PSD3: variants seen among roughly 807,000 people sequenced by gnomAD.
The protein encoded by PSD3 is pleckstrin and Sec7 domain containing 3.
A neutral mutation model predicts 105.5 loss-of-function variants in PSD3; 49 were observed. That is an observed-to-expected ratio of 0.46 (90% confidence interval 0.37 to 0.59). The LOEUF (loss-of-function observed/expected upper bound fraction) is 0.59. Ranked by LOEUF, PSD3 falls within the 20% of genes least tolerant of loss-of-function variation. PSD3 has a pLI of 0.00. For synonymous variants in PSD3, 557 were observed against 457.8 expected (o/e 1.22, Z -2.77); for missense variants, 1,561 against 1,263.8 (o/e 1.24, Z -3.57).
chr8:19,038,229 T>C (rs1828009542), intron 1 of PSD3, among the ~76,000 whole-genome samples: 2 of 152,132 alleles, frequency 1.3e-5, no homozygotes, highest in African/African-American at 4.8e-5. Flanking sequence ...AGAATACATG[T>C]CTCTTTATCA....
chr8:18,837,078 C>A (rs1814174938), intron 4 of PSD3, among the ~76,000 whole-genome samples: 1 of 151,820 alleles, frequency 6.6e-6, no homozygotes, highest in Non-Finnish European at 1.5e-5. Flanking sequence ...TAGGAGCCTA[C>A]AAGGTAGGAG....
intron 2 of PSD3, among the ~76,000 whole-genome samples, chr8:18,895,642 T>A (rs537257109): frequency 5.3e-5 from 8 of 152,182 alleles, no homozygotes; most frequent in Non-Finnish European, 1.0e-4. Context: ...AAAAGAAACC[T>A]GTGTGTTGGG....
intron 4 of PSD3, among the ~76,000 whole-genome samples, chr8:18,828,405 G>C (rs987165385): frequency 9.2e-5 from 14 of 151,996 alleles, no homozygotes; most frequent in Non-Finnish European, 2.1e-4. Context: ...ATACGTTACA[G>C]CAACAACCAA....
At chr8:18,942,669 G>A (rs1458884482) in intron 1 of PSD3, among the ~76,000 whole-genome samples, 5 of 152,202 alleles carry the variant, frequency 3.3e-5, no homozygotes, top group African/African-American at 9.6e-5. Flanking sequence ...AAGACCATGT[G>A]AAGACACAGG....
chr8:18,991,359 C>CACAT (rs1203812270), intron 1 of PSD3, among the ~76,000 whole-genome samples: 10 of 79,132 alleles, frequency 1.3e-4, no homozygotes, highest in African/African-American at 4.1e-4. Flanking sequence ...CACATACACA[C>CACAT]ACACACACAC....
At chr8:18,616,420 A>T (rs1201650497) in intron 11 of PSD3, among the ~76,000 whole-genome samples, 3 of 152,132 alleles carry the variant, frequency 2.0e-5, no homozygotes, top group Admixed American at 6.5e-5. Flanking sequence ...ATCTGTATTG[A>T]TGGTGGCCAG....
chr8:18,758,389 G>C (rs1389902372), intron 9 of PSD3, among the ~76,000 whole-genome samples: 1 of 150,582 alleles, frequency 6.6e-6, no homozygotes, highest in African/African-American at 2.5e-5. Flanking sequence ...ATGGAACTCA[G>C]AAAGAGAGAT....
intron 11 of PSD3, among the ~76,000 whole-genome samples, chr8:18,601,069 T>C (rs983819798): frequency 2.6e-5 from 4 of 152,230 alleles, no homozygotes; most frequent in Non-Finnish European, 5.9e-5. Context: ...GTATCCTTCA[T>C]CTTTAGAATT....
intron 1 of PSD3, among the ~76,000 whole-genome samples, chr8:18,940,769 C>T (rs772110063): frequency 2.6e-5 from 4 of 152,178 alleles, no homozygotes; most frequent in Non-Finnish European, 5.9e-5. Flanking sequence ...AGCATGTGTG[C>T]CCCTTCCCTA....
chr8:19,042,600 A>C (rs1828161237), intron 1 of PSD3, among the ~76,000 whole-genome samples: 1 of 152,236 alleles, frequency 6.6e-6, no homozygotes, highest in Non-Finnish European at 1.5e-5. Flanking sequence ...TTCTAAATAA[A>C]ATCCTGGGAT....
intron 10 of PSD3, among the ~76,000 whole-genome samples, chr8:18,634,997 T>C (rs1240326474): frequency 6.6e-6 from 1 of 152,190 alleles, no homozygotes; most frequent in Non-Finnish European, 1.5e-5. Flanking sequence ...GGTTCCCTCA[T>C]TTATTCTACA....
chr8:18,618,204 T>C (rs1256687358), intron 11 of PSD3, among the ~76,000 whole-genome samples: 1 of 151,852 alleles, frequency 6.6e-6, no homozygotes, highest in Non-Finnish European at 1.5e-5. Flanking sequence ...TCAATCCGTC[T>C]ATGACCTGGA....
chr8:18,687,725 C>A (rs926656024), intron 9 of PSD3, among the ~76,000 whole-genome samples: 3 of 152,006 alleles, frequency 2.0e-5, no homozygotes, highest in African/African-American at 7.2e-5. Context: ...GCTTGCCCAT[C>A]CCTTTTCTTC....
At chr8:18,547,104 T>A (rs1800494267) in intron 15 of PSD3, among the ~76,000 whole-genome samples, 1 of 152,126 alleles carries the variant, frequency 6.6e-6, no homozygotes, top group South Asian at 2.1e-4. Flanking sequence ...CCACAGTTGT[T>A]CCTGGGCCCT....
At chr8:18,881,938 T>C (rs1013268047) in intron 2 of PSD3, among the ~76,000 whole-genome samples, 2 of 152,154 alleles carry the variant, frequency 1.3e-5, no homozygotes, top group African/African-American at 4.8e-5. Context: ...CCAGATGAGG[T>C]GGCTCACGCC....
chr8:19,037,908 A>C (rs556730932), intron 1 of PSD3, among the ~76,000 whole-genome samples: 111 of 149,464 alleles, frequency 7.4e-4, no homozygotes, highest in Non-Finnish European at 1.3e-3. Flanking sequence ...TATTTAATAT[A>C]TATAATCATA....
chr8:18,739,865 T>C (rs1804425574), intron 9 of PSD3, among the ~76,000 whole-genome samples: 1 of 152,214 alleles, frequency 6.6e-6, no homozygotes, highest in South Asian at 2.1e-4. Context: ...TCTTCATCAG[T>C]CTAATTCTAA....
intron 12 of PSD3, among the ~76,000 whole-genome samples, chr8:18,595,498 G>C (rs1804025586): frequency 1.6e-5 from 1 of 61,308 alleles, no homozygotes; most frequent in African/African-American, 4.2e-5. Flanking sequence ...TGCAGAGAGA[G>C]AGAGAAAAAA....
chr8:18,604,781 T>C (rs1365605544), intron 11 of PSD3, among the ~76,000 whole-genome samples: 1 of 152,142 alleles, frequency 6.6e-6, no homozygotes, highest in East Asian at 1.9e-4. Flanking sequence ...TCCCAGCTTC[T>C]CCAGGTTCAG....
Sources: allele counts gnomAD v4.1 joint callset (sites outside exome capture counted in the v4.1 genomes callset), GRCh38; gene constraint gnomAD v4.1.1; transcripts MANE v1.5; gene names NCBI Gene and HGNC (gene_info 2026-07-23, HGNC 2026-07-21).